Variants in MDM4 observed in about 807,000 individuals in gnomAD.
MDM4 encodes protein Mdm4.
Under a neutral mutation model 60.2 loss-of-function variants are expected in MDM4, and 2 were observed. That is an observed-to-expected ratio of 0.03 (90% confidence interval 0.01 to 0.10). The LOEUF (loss-of-function observed/expected upper bound fraction) is 0.10, where lower values mean the gene tolerates loss of function less well. Among genes scored for constraint, MDM4 ranks in the 10% least tolerant of loss-of-function variants. The pLI is 1.00. For missense variants in MDM4, 447 were observed against 577.5 expected, an observed-to-expected ratio of 0.77 and a Z score of 2.32; for synonymous variants, 202 against 198.1, an observed-to-expected ratio of 1.02 and a Z score of -0.17.
chr1:204,534,077 C>T (rs1423117824), intron 5 of MDM4, among the ~76,000 whole-genome samples: 1 of 152,036 alleles, frequency 6.6e-6, no homozygotes, highest in Non-Finnish European at 1.5e-5. Flanking sequence ...TGAGCCACCG[C>T]CCCCAGACCT....
chr1:204,527,276 G>A (rs1558314720), intron 3 of MDM4, among the ~76,000 whole-genome samples: 1 of 152,082 alleles, frequency 6.6e-6, no homozygotes. Flanking sequence ...TTGGTTGATA[G>A]AATGAGAGAC....
chr1:204,530,174 C>G (rs1455252716), intron 3 of MDM4, among the ~76,000 whole-genome samples: 1 of 152,212 alleles, frequency 6.6e-6, no homozygotes, highest in East Asian at 1.9e-4. Flanking sequence ...CTTCAGCCGA[C>G]TAAATTTTTA....
chr1:204,539,682 G>A (rs1661829673), intron 7 of MDM4, among the ~76,000 whole-genome samples: 1 of 151,756 alleles, frequency 6.6e-6, no homozygotes, highest in Admixed American at 6.6e-5. Flanking sequence ...GATTACAGGC[G>A]TGCACCACTA....
chr1:204,536,923 C>T (rs4252703), intron 5 of MDM4: 125 of 406,978 alleles, frequency 3.1e-4, no homozygotes, highest in African/African-American at 2.6e-3. Context: ...CTTAGAATGT[C>T]GCTTTAGATG....
rs1001737374 is a variant in MDM4, at chr1:204,554,952, G to C, written c.*5270G>C. ...AACTGTTACAGTAAATCTACACTTG[G>C]ATTTGCTGCACCTCTACCAATAGCC... On this transcript the variant is annotated 3_prime_UTR_variant, in exon 11 of 11. Transcript: ENST00000367182. The C allele has an allele frequency of 4.5e-6, 1 of 221,964 alleles. No homozygotes were observed. Among genetic ancestry groups the C allele is most frequent in the African/African-American group, 2.2e-5 (1 of 44,662 alleles). The allele number at this position is 221,964 out of a possible 1,614,324, so 13.7% of individuals were successfully genotyped here. A position where few individuals can be genotyped will look rare whatever the true frequency, so the allele number is the denominator to read the frequency against.
At chr1:204,532,917 A>G in intron 5 of MDM4, 14 of 1,390,798 alleles carry the variant, frequency 1.0e-5, no homozygotes, top group Non-Finnish European at 1.4e-5. Flanking sequence ...TTTTGCCAAG[A>G]AAGCTTTATA....
intron 1 of MDM4, among the ~76,000 whole-genome samples, chr1:204,520,988 T>G (rs1180248696): frequency 3.3e-5 from 5 of 152,140 alleles, no homozygotes; most frequent in African/African-American, 1.2e-4. Context: ...GTACTTGAGG[T>G]CTAATGGGAA....
chr1:204,544,725 C>T (rs761721214), intron 9 of MDM4, 41 bp downstream of exon 9: 3 of 1,569,766 alleles, frequency 1.9e-6, no homozygotes, highest in Middle Eastern at 3.4e-4. Context: ...TGTTTGTGTG[C>T]TCATAGTATC....
intron 8 of MDM4, among the ~76,000 whole-genome samples, chr1:204,544,230 T>C (rs1334744069): frequency 1.3e-5 from 2 of 152,210 alleles, no homozygotes; most frequent in African/African-American, 4.8e-5. Context: ...GAATAGATTC[T>C]ATTTACTTGA....
chr1:204,522,795 T>C (rs2102297948), intron 1 of MDM4, among the ~76,000 whole-genome samples: 1 of 152,286 alleles, frequency 6.6e-6, no homozygotes, highest in South Asian at 2.1e-4. Context: ...TATACTTGAT[T>C]ACAGCTATAA....
intron 5 of MDM4, chr1:204,532,818 T>C (rs1661005280): frequency 6.2e-7 from 1 of 1,611,598 alleles, no homozygotes; most frequent in Admixed American, 1.7e-5. Context: ...AGTTGGCAGA[T>C]TGTATCCTTG....
intron 2 of MDM4, 89 bp from the exon 3 acceptor site, chr1:204,526,271 G>T (rs1384730748): frequency 2.7e-6 from 3 of 1,128,084 alleles, no homozygotes; most frequent in Non-Finnish European, 2.6e-6. Flanking sequence ...ACAAAAGCGG[G>T]GGGAGCTGTT....
chr1:204,543,937 G>A, intron 8 of MDM4, among the ~76,000 whole-genome samples: 1 of 152,186 alleles, frequency 6.6e-6, no homozygotes, highest in Non-Finnish European at 1.5e-5. Context: ...TATTCAGTGA[G>A]TATTTGTTTA....
At chr1:204,529,817 G>A (rs1028009380) in intron 3 of MDM4, 7 of 281,358 alleles carry the variant, frequency 2.5e-5, no homozygotes, top group Admixed American at 4.7e-5. Flanking sequence ...GAGTTTACAC[G>A]ATGAGCTTTC....
At chr1:204,536,397 A>C (rs773634374) in intron 5 of MDM4, among the ~76,000 whole-genome samples, 1 of 152,220 alleles carries the variant, frequency 6.6e-6, no homozygotes, top group Non-Finnish European at 1.5e-5. Context: ...TGTTTTTTAT[A>C]ATTAGAATTT....
chr1:204,529,097 G>A (rs1384023123), intron 3 of MDM4: 3 of 1,358,688 alleles, frequency 2.2e-6, no homozygotes, highest in Non-Finnish European at 3.1e-6. Flanking sequence ...TGTAGCTAAT[G>A]GAGCCTGAGT....
At chr1:204,524,087 G>A (rs935581001) in intron 1 of MDM4, among the ~76,000 whole-genome samples, 2 of 152,178 alleles carry the variant, frequency 1.3e-5, no homozygotes, top group Non-Finnish European at 2.9e-5. Context: ...TAGAAGCTAG[G>A]AGGGGGTTGT....
chr1:204,525,712 A>G (rs940422473), intron 2 of MDM4, 116 bp downstream of exon 2: 4 of 682,884 alleles, frequency 5.9e-6, no homozygotes, highest in Non-Finnish European at 7.2e-6. Flanking sequence ...CAGGAAGCTT[A>G]CTTGAAGCCA....
Position 204,555,092 on chromosome 1 carries a change from T to C in MDM4, c.*5410T>C. The C allele has an allele frequency of 4.8e-6, 1 of 207,990 alleles. No individual in the cohort carries two copies. The highest frequency in any genetic ancestry group is 2.3e-5 in the African/African-American group (1 of 43,968). The allele number at this position is 207,990 out of a possible 1,614,324, so 12.9% of individuals were successfully genotyped here. A position where few individuals can be genotyped will look rare whatever the true frequency, so the allele number is the denominator to read the frequency against. On this transcript the variant is annotated 3_prime_UTR_variant, in exon 11 of 11. Transcript: ENST00000367182. ...GATGCTGCTTCCCCTGCAGGTTGTT[T>C]TCCTTCTTACGATCCTCATTGAATC... is the stretch of plus-strand genomic sequence containing the variant.
Sources: gnomAD v4.1 joint callset for allele counts (sites outside exome capture counted in the v4.1 genomes callset) on GRCh38, gnomAD v4.1.1 for gene constraint, MANE v1.5 for transcripts, NCBI Gene and HGNC (gene_info 2026-07-23, HGNC 2026-07-21) for gene names.